PTPRD: variants seen among roughly 807,000 people sequenced by gnomAD.
PTPRD encodes the protein protein tyrosine phosphatase receptor type D.
A neutral mutation model predicts 214.5 loss-of-function variants in PTPRD; 34 were observed. The observed-to-expected ratio is 0.16, with a 90% CI of 0.12 to 0.21. The LOEUF (loss-of-function observed/expected upper bound fraction) is 0.21, where lower values mean the gene tolerates loss of function less well. Ranked by LOEUF, PTPRD falls within the 10% of genes least tolerant of loss-of-function variation. PTPRD has a pLI of 1.00. For synonymous variants in PTPRD, 1,128 were observed against 845.7 expected (o/e 1.33, Z -5.79); for missense variants, 2,545 against 2,398.7 (o/e 1.06, Z -1.27).
At chr9:9,539,448 C>T (rs2077150953) in intron 8 of PTPRD, among the ~76,000 whole-genome samples, 1 of 151,852 alleles carries the variant, frequency 6.6e-6, no homozygotes, top group African/African-American at 2.4e-5. Context: ...CCTTACATTT[C>T]TCATAAGTCA....
At chr9:10,289,527 T>A (rs1438168472) in intron 3 of PTPRD, among the ~76,000 whole-genome samples, 1 of 152,148 alleles carries the variant, frequency 6.6e-6, no homozygotes, top group Non-Finnish European at 1.5e-5. Flanking sequence ...ATCTGAAAGA[T>A]GAGTGAAAAT....
At position 9,794,914 on chromosome 9, in the gene PTPRD, T is replaced by C. The variant is rs565551825; in HGVS notation, c.-367-28063A>G. On this transcript the variant is annotated intron_variant, in intron 5 of 45. Transcript: ENST00000381196. Reference sequence around the variant, plus strand: ...AGAACCTAAAAGGGGAAGATAACAGTTTAGAAGATGCTGCAATCATCTAAA... The same window carrying C: ...AGAACCTAAAAGGGGAAGATAACAGCTTAGAAGATGCTGCAATCATCTAAA... Among the ~76,000 whole-genome samples, 26 of 152,252 alleles carry C rather than the reference T, an allele frequency of 1.7e-4. No homozygotes were observed. In the South Asian group the frequency reaches 5.4e-3, roughly 32 times the overall value.
At chr9:8,472,233 TC>T (rs1403626438) in intron 30 of PTPRD, among the ~76,000 whole-genome samples, 1 of 152,088 alleles carries the variant, frequency 6.6e-6, no homozygotes, top group African/African-American at 2.4e-5. Flanking sequence ...TTCTAAGGAC[TC>T]CATACACTTC....
chr9:10,392,201 T>C (rs2098081861), intron 2 of PTPRD, among the ~76,000 whole-genome samples: 1 of 151,978 alleles, frequency 6.6e-6, no homozygotes. Context: ...TTCTATCGTA[T>C]AGCAAAGATA....
At chr9:10,506,333 G>T (rs1469627340) in intron 2 of PTPRD, among the ~76,000 whole-genome samples, 1 of 152,060 alleles carries the variant, frequency 6.6e-6, no homozygotes, top group Non-Finnish European at 1.5e-5. Flanking sequence ...TAGGACATTT[G>T]TCAAATTGAA....
intron 12 of PTPRD, among the ~76,000 whole-genome samples, chr9:8,661,815 A>T (rs1287439325): frequency 1.3e-5 from 2 of 152,186 alleles, no homozygotes; most frequent in Non-Finnish European, 2.9e-5. Flanking sequence ...AAAAATGAAA[A>T]ATCTCCTCCT....
intron 11 of PTPRD, among the ~76,000 whole-genome samples, chr9:8,748,796 A>G (rs2093183680): frequency 1.3e-5 from 2 of 152,126 alleles, no homozygotes; most frequent in Admixed American, 6.5e-5. Flanking sequence ...CTGTAATCCC[A>G]GCTACTCGGG....
At chr9:9,549,204 T>C (rs2079581626) in intron 8 of PTPRD, among the ~76,000 whole-genome samples, 1 of 151,994 alleles carries the variant, frequency 6.6e-6, no homozygotes, top group African/African-American at 2.4e-5. Context: ...AAAGACATTG[T>C]AAAAAATAAG....
chr9:8,467,788 A>AC (rs2096573038), intron 31 of PTPRD, among the ~76,000 whole-genome samples: 1 of 151,840 alleles, frequency 6.6e-6, no homozygotes, highest in African/African-American at 2.4e-5. Context: ...CTAATTAAAA[A>AC]AAATCCGATA....
At chr9:9,427,973 G>A (rs920488091) in intron 8 of PTPRD, among the ~76,000 whole-genome samples, 1 of 152,174 alleles carries the variant, frequency 6.6e-6, no homozygotes, top group East Asian at 1.9e-4. Context: ...GAATTGTAAA[G>A]ACCATCAATG....
intron 11 of PTPRD, among the ~76,000 whole-genome samples, chr9:8,797,623 A>G (rs930118695): frequency 4.6e-5 from 7 of 152,168 alleles, no homozygotes; most frequent in Non-Finnish European, 8.8e-5. Flanking sequence ...CTCAAACACT[A>G]TCACATCTGT....
At chr9:8,542,817 C>G (rs2078830388) in intron 14 of PTPRD, among the ~76,000 whole-genome samples, 5 of 152,200 alleles carry the variant, frequency 3.3e-5, no homozygotes, top group Admixed American at 2.0e-4. Context: ...AGCTCAGCAT[C>G]CTCACTACAG....
intron 33 of PTPRD, among the ~76,000 whole-genome samples, chr9:8,453,499 T>A (rs571942666): frequency 2.6e-4 from 40 of 152,302 alleles, no homozygotes; most frequent in African/African-American, 9.1e-4. Context: ...TTTAAAGTGT[T>A]TTGTCTTTTG....
chr9:9,216,256 A>G (rs2099952132), intron 9 of PTPRD, among the ~76,000 whole-genome samples: 1 of 152,184 alleles, frequency 6.6e-6, no homozygotes, highest in Non-Finnish European at 1.5e-5. Context: ...ATATAGACAC[A>G]ACAAATATTA....
intron 11 of PTPRD, among the ~76,000 whole-genome samples, chr9:8,826,893 A>C (rs769223229): frequency 2.0e-5 from 3 of 152,020 alleles, no homozygotes; most frequent in Non-Finnish European, 4.4e-5. Flanking sequence ...TCATATCTTT[A>C]AAAAAGCTTA....
At chr9:10,338,733 A>G (rs2096887224) in intron 3 of PTPRD, among the ~76,000 whole-genome samples, 1 of 151,726 alleles carries the variant, frequency 6.6e-6, no homozygotes, top group Non-Finnish European at 1.5e-5. Flanking sequence ...AGCAAAAAGA[A>G]CTCTAATGGC....
At chr9:9,947,180 C>T (rs890486248) in intron 4 of PTPRD, among the ~76,000 whole-genome samples, 1 of 146,108 alleles carries the variant, frequency 6.8e-6, no homozygotes, top group Non-Finnish European at 1.5e-5. Flanking sequence ...ATGAGTAGTT[C>T]AGCTATACAG....
chr9:10,409,486 T>C (rs376601549), intron 2 of PTPRD, among the ~76,000 whole-genome samples: 8 of 151,766 alleles, frequency 5.3e-5, no homozygotes, highest in South Asian at 2.1e-4. Context: ...GACTAAAGAA[T>C]TGAGTTTAAA....
At chr9:9,737,932 C>T (rs1311763056) in intron 6 of PTPRD, among the ~76,000 whole-genome samples, 1 of 152,196 alleles carries the variant, frequency 6.6e-6, no homozygotes, top group East Asian at 1.9e-4. Flanking sequence ...CATCATTTCA[C>T]ATTTCCACTA....
Sources: gnomAD v4.1 joint callset for allele counts (sites outside exome capture counted in the v4.1 genomes callset) on GRCh38, gnomAD v4.1.1 for gene constraint, MANE v1.5 for transcripts, NCBI Gene and HGNC (gene_info 2026-07-23, HGNC 2026-07-21) for gene names.